Variants in PHACTR2 observed in about 807,000 individuals in gnomAD.
The protein encoded by PHACTR2 is chromosome 6 open reading frame 56.
A neutral mutation model predicts 76.0 loss-of-function variants in PHACTR2; 30 were observed. That is an observed-to-expected ratio of 0.39 (90% CI 0.30 to 0.54). The LOEUF (loss-of-function observed/expected upper bound fraction) is 0.54, where lower values mean the gene tolerates loss of function less well. Among genes scored for constraint, PHACTR2 ranks in the 20% least tolerant of loss-of-function variants. The pLI is 0.61. For missense variants in PHACTR2, 696 were observed against 781.1 expected (o/e 0.89, Z 1.30); for synonymous variants, 292 against 292.5 (o/e 1.00, Z 0.02).
intron 1 of PHACTR2, among the ~76,000 whole-genome samples, chr6:143,600,211 A>C (rs1244450100): frequency 6.6e-6 from 1 of 152,210 alleles, no homozygotes; most frequent in Non-Finnish European, 1.5e-5. Context: ...TTGTGGAGAG[A>C]ACTTGTGCAA....
intron 2 of PHACTR2, among the ~76,000 whole-genome samples, chr6:143,719,813 C>CTTTTTTT (rs10675688): frequency 3.2e-5 from 3 of 94,840 alleles, no homozygotes; most frequent in Admixed American, 1.2e-4. Context: ...GTGTTCGACA[C>CTTTTTTT]TTTTTTTTTT....
At chr6:143,706,974 C>T (rs896153243) in intron 1 of PHACTR2, among the ~76,000 whole-genome samples, 2 of 152,110 alleles carry the variant, frequency 1.3e-5, no homozygotes, top group African/African-American at 4.8e-5. Flanking sequence ...GTTATTGTTT[C>T]AATTGAGAGA....
At chr6:143,629,665 A>G (rs1345329969) in intron 1 of PHACTR2, among the ~76,000 whole-genome samples, 2 of 152,112 alleles carry the variant, frequency 1.3e-5, no homozygotes, top group Non-Finnish European at 2.9e-5. Flanking sequence ...GTCACGGTAC[A>G]TAAGTACTGT....
At chr6:143,788,528 T>G (rs1374899519) in intron 10 of PHACTR2, among the ~76,000 whole-genome samples, 1 of 152,168 alleles carries the variant, frequency 6.6e-6, no homozygotes, top group African/African-American at 2.4e-5. Context: ...AATAGCATAA[T>G]GCAGGTGGTT....
rs1353477969 is a variant in PHACTR2 at position 143,680,813 on chromosome 6, C to G, written c.46+2604C>G. ...GAAACACTAATCAACTTTTCTGTCT[C>G]TATAGATTTTCTTATTGAGAACATT... On this transcript the variant is annotated intron_variant, in intron 1 of 12. Coordinates refer to ENST00000440869, the MANE Select transcript of PHACTR2 (RefSeq NM_001100164.2). The surrounding 1 kb of genome is among the most constrained non-coding windows in gnomAD (Gnocchi z 4.5). Among the ~76,000 whole-genome samples, 1 of 152,070 alleles carries G rather than the reference C, an allele frequency of 6.6e-6. No homozygotes were observed. Among genetic ancestry groups the G allele is most frequent in the Admixed American group, 6.5e-5 (1 of 15,274 alleles).
rs557553149 is a variant in PHACTR2, at chr6:143,617,118, G to T, written c.13+8796G>T. ...AGCTCCTAAGAATGAAATCCACTTA[G>T]AAGGCTCTTGATGGAGGTGGTGGCA... On this transcript the variant is annotated intron_variant, in intron 1 of 11. Transcript: ENST00000305766. This position sits in a 1 kb window ranked among gnomAD's most constrained non-coding sequence, Gnocchi z 4.8. Among the ~76,000 whole-genome samples the T allele has an allele frequency of 6.6e-6, 1 of 152,316 alleles. No individual in the cohort carries two copies. The highest frequency in any genetic ancestry group is 2.4e-5 in the African/African-American group (1 of 41,572).
rs1777180891 is a variant in PHACTR2 at position 143,672,906 on chromosome 6, G to A, written c.14-39110G>A. 6.6e-6 allele frequency among the ~76,000 whole-genome samples: 1 copy of A among 151,964 alleles called. No homozygotes were observed. Among genetic ancestry groups the A allele is most frequent in the Non-Finnish European group, 1.5e-5 (1 of 67,962 alleles). On this transcript the variant is annotated intron_variant, in intron 1 of 11. Coordinates refer to the PHACTR2 transcript ENST00000305766. The surrounding 1 kb of genome is among the most constrained non-coding windows in gnomAD (Gnocchi z 5.8). ...CGCCTGGCTAATTTTTGTATTTTTAGTAGAGACAGGGTTTCACCATGTTGG... is the reference window on the plus strand; with the variant it reads ...CGCCTGGCTAATTTTTGTATTTTTAATAGAGACAGGGTTTCACCATGTTGG...
Position 143,625,557 on chromosome 6 carries a change from G to T in PHACTR2, c.13+17235G>T, listed in dbSNP as rs949547242. Among the ~76,000 whole-genome samples, 1 of 152,154 alleles carries T rather than the reference G, an allele frequency of 6.6e-6. No homozygotes were observed. The highest frequency in any genetic ancestry group is 2.4e-5 in the African/African-American group (1 of 41,424). ...ATTGATTTCCATTTCCCCTTGTGCG[G>T]TGTGTCTCCAATAGATGTAATATCA... is the stretch of plus-strand genomic sequence containing the variant. On this transcript the variant is annotated intron_variant, in intron 1 of 11. Coordinates refer to the PHACTR2 transcript ENST00000305766. The surrounding 1 kb of genome is among the most constrained non-coding windows in gnomAD (Gnocchi z 4.3).
In PHACTR2 at chr6:143,760,312, C is replaced by T; in HGVS notation, c.455-89C>T. The T allele has an allele frequency of 1.7e-6, 2 of 1,192,190 alleles. No homozygotes were observed. Among genetic ancestry groups the T allele is most frequent in the Non-Finnish European group, 2.4e-6 (2 of 840,426 alleles). 73.9% of individuals were successfully genotyped at this position (1,192,190 alleles called of 1,614,324 possible). A position where few individuals can be genotyped will look rare whatever the true frequency, so the allele number is the denominator to read the frequency against. ...GATTCTCAAGTACCAAGCAGACACGCTTTGTGTCACTATCGTCATGTCTTG... is the reference window on the plus strand; with the variant it reads ...GATTCTCAAGTACCAAGCAGACACGTTTTGTGTCACTATCGTCATGTCTTG... On this transcript the variant is annotated intron_variant, in intron 4 of 12. Coordinates refer to ENST00000440869, the MANE Select transcript of PHACTR2 (RefSeq NM_001100164.2). The surrounding 1 kb of genome is among the most constrained non-coding windows in gnomAD (Gnocchi z 6.4).
chr6:143,559,566 A>G (rs1458542161), intron 1 of PHACTR2, among the ~76,000 whole-genome samples: 2 of 152,124 alleles, frequency 1.3e-5, no homozygotes, highest in Non-Finnish European at 2.9e-5. Context: ...TTCATTCATG[A>G]GCATGTAAGA....
chr6:143,738,128 T>C lies in PHACTR2; in HGVS notation c.215-10857T>C, dbSNP rs1350136374. 5.3e-5 allele frequency among the ~76,000 whole-genome samples: 8 copies of C among 152,198 alleles called. No individual in the cohort carries two copies. Among genetic ancestry groups the C allele is most frequent in the Non-Finnish European group, 1.5e-5 (1 of 68,030 alleles). Reference sequence around the variant, plus strand: ...ATAGGCTTTTAAAGATTATACATTTTTGGCCAGGCGCTGTGGCCCACGCCT... The same window carrying C: ...ATAGGCTTTTAAAGATTATACATTTCTGGCCAGGCGCTGTGGCCCACGCCT... On this transcript the variant is annotated intron_variant, in intron 2 of 12. Transcript: ENST00000440869. The surrounding 1 kb of genome is among the most constrained non-coding windows in gnomAD (Gnocchi z 4.0).
At position 143,765,937 on chromosome 6, in the gene PHACTR2, C is replaced by T. The variant is rs565809802; in HGVS notation, c.1232+139C>T. 1.4e-4 allele frequency: 102 copies of T among 730,834 alleles called. No homozygotes were observed. In the African/African-American group the frequency reaches 1.6e-3, roughly 11 times the overall value. The allele number at this position is 730,834 out of a possible 1,614,324, so 45.3% of individuals were successfully genotyped here. On this transcript the variant is annotated intron_variant, in intron 6 of 12. Transcript: ENST00000440869. The surrounding 1 kb of genome is among the most constrained non-coding windows in gnomAD (Gnocchi z 4.1). ...TAGGTAGGCATACATGTGATCCAAC[C>T]ATTGCTTTGTCAGAGCCCTGCCCTG...
In PHACTR2 at chr6:143,672,712, T is replaced by C. The variant is rs1269852260; in HGVS notation, c.14-39304T>C. 6.6e-6 allele frequency among the ~76,000 whole-genome samples: 1 copy of C among 151,906 alleles called. No homozygotes were observed. The highest frequency in any genetic ancestry group is 1.5e-5 in the Non-Finnish European group (1 of 68,006). On this transcript the variant is annotated intron_variant, in intron 1 of 11. Coordinates refer to the PHACTR2 transcript ENST00000305766. The surrounding 1 kb of genome is among the most constrained non-coding windows in gnomAD (Gnocchi z 5.8). ...TTGGAGGAACAAACTTCTTCTTTTT[T>C]ATTTTTATTTTTATTTATTTATTTC...
Position 143,580,633 on chromosome 6 carries a change from A to G in PHACTR2, c.217+43426A>G, listed in dbSNP as rs1775561824. 6.6e-6 allele frequency among the ~76,000 whole-genome samples: 1 copy of G among 152,236 alleles called. No individual in the cohort carries two copies. Among genetic ancestry groups the G allele is most frequent in the African/African-American group, 2.4e-5 (1 of 41,454 alleles). ...GGTTGCAGTGAACTGAGATCATGCCACTGTACTCCAGCCTGGGTGACAGAG... is the reference window on the plus strand; with the variant it reads ...GGTTGCAGTGAACTGAGATCATGCCGCTGTACTCCAGCCTGGGTGACAGAG... On this transcript the variant is annotated intron_variant, in intron 1 of 11. Transcript: ENST00000367584. This position sits in a 1 kb window ranked among gnomAD's most constrained non-coding sequence, Gnocchi z 4.2.
In PHACTR2 at chr6:143,809,465, T is replaced by G. The variant is rs955245917; in HGVS notation, c.1922+2332T>G. The stretch of plus-strand genomic sequence containing the variant: ...AGCTCAAGCGATCCTCCCAGCTCAG[T>G]CTACCAAAGTGTTGTGATTAAAGGC... On this transcript the variant is annotated intron_variant, in intron 12 of 12. Coordinates refer to ENST00000440869, the MANE Select transcript of PHACTR2 (RefSeq NM_001100164.2). The surrounding 1 kb of genome is among the most constrained non-coding windows in gnomAD (Gnocchi z 4.2). Among the ~76,000 whole-genome samples, 1 of 152,064 alleles carries G rather than the reference T, an allele frequency of 6.6e-6. No individual in the cohort carries two copies. The highest frequency in any genetic ancestry group is 2.4e-5 in the African/African-American group (1 of 41,424).
At chr6:143,582,198 T>C (rs1291944306) in intron 1 of PHACTR2, among the ~76,000 whole-genome samples, 1 of 152,156 alleles carries the variant, frequency 6.6e-6, no homozygotes, top group Non-Finnish European at 1.5e-5. Flanking sequence ...CCCAGCACAA[T>C]TCAGAGCAAA....
At position 143,750,635 on chromosome 6, in the gene PHACTR2, T is replaced by A. The variant is rs1033103392; in HGVS notation, c.295+1570T>A. ...AGGTAGAAAAAGAATTTGCTCTGTC[T>A]GAAAACCAAGTAGCAATAGTCAATT... On this transcript the variant is annotated intron_variant, in intron 3 of 12. Transcript: ENST00000440869. The surrounding 1 kb of genome is among the most constrained non-coding windows in gnomAD (Gnocchi z 4.6). Among the ~76,000 whole-genome samples, 10 of 152,238 alleles carry A rather than the reference T, an allele frequency of 6.6e-5. No individual in the cohort carries two copies. Among genetic ancestry groups the A allele is most frequent in the Non-Finnish European group, 1.3e-4 (9 of 68,036 alleles).
rs139367786 is a variant in PHACTR2 at position 143,824,216 on chromosome 6, TG to T, written c.*528del. 0.027 allele frequency: 4,325 copies of T among 157,642 alleles called. 222 individuals carry two copies. Among genetic ancestry groups the T allele is most frequent in the African/African-American group, 0.099 (4,134 of 41,584 alleles). The allele number at this position is 157,642 out of a possible 1,614,324, so 9.8% of individuals were successfully genotyped here. A position where few individuals can be genotyped will look rare whatever the true frequency, so the allele number is the denominator to read the frequency against. The stretch of plus-strand genomic sequence containing the variant: ...GGGATTTAGGAATTTAACCTCCTGA[TG>T]TGGATTCCTCAAAGACTTGATCGGA... On this transcript the variant is annotated 3_prime_UTR_variant, in exon 13 of 13. Coordinates refer to ENST00000440869, the MANE Select transcript of PHACTR2 (RefSeq NM_001100164.2). The surrounding 1 kb of genome is among the most constrained non-coding windows in gnomAD (Gnocchi z 6.3).
rs559835364 is a variant in PHACTR2, at chr6:143,750,102, A to G, written c.295+1037A>G. ...TTTTTTCCAGCATCTGAATAATTCC[A>G]GAGTGGAGCTGAGAAATGCTTTCCT... On this transcript the variant is annotated intron_variant, in intron 3 of 12. Coordinates refer to ENST00000440869, the MANE Select transcript of PHACTR2 (RefSeq NM_001100164.2). This position sits in a 1 kb window ranked among gnomAD's most constrained non-coding sequence, Gnocchi z 4.6. 1.3e-5 allele frequency among the ~76,000 whole-genome samples: 2 copies of G among 152,348 alleles called. No individual in the cohort carries two copies. Among genetic ancestry groups the G allele is most frequent in the South Asian group, 4.1e-4 (2 of 4,832 alleles).
Sources: allele counts gnomAD v4.1 joint callset (sites outside exome capture counted in the v4.1 genomes callset), GRCh38; gene constraint gnomAD v4.1.1; non-coding constraint Gnocchi (gnomAD v3.1); transcripts MANE v1.5; gene names NCBI Gene and HGNC (gene_info 2026-07-23, HGNC 2026-07-21).